The following MIGA2 variants were observed in gnomAD, a reference collection of about 807,000 sequenced individuals.
MIGA2 encodes the protein family with sequence similarity 73, member B.
MIGA2 carries 36 observed loss-of-function variants against 69.9 expected under a neutral mutation model. That is an observed-to-expected ratio of 0.52 (90% CI 0.39 to 0.68). The LOEUF is 0.68. MIGA2 is among the 30% of genes least tolerant of loss of function. The pLI is 0.00. For missense variants in MIGA2, 660 were observed against 787.7 expected (o/e 0.84, Z 1.94); for synonymous variants, 333 against 349.2 (o/e 0.95, Z 0.52).
intron 1 of MIGA2, among the ~76,000 whole-genome samples, chr9:129,039,072 G>A (rs1214030749): frequency 6.6e-6 from 1 of 151,844 alleles, no homozygotes; most frequent in Non-Finnish European, 1.5e-5. Context: ...TGGGATTACA[G>A]GCATGAGCCA....
In MIGA2 at chr9:129,059,215, A is replaced by T. The variant is rs2131376080; in HGVS notation, c.737A>T (p.His246Leu). The T allele has an allele frequency of 1.9e-6, 3 of 1,609,964 alleles. No individual in the cohort carries two copies. The highest frequency in any genetic ancestry group is 3.3e-4 in the Middle Eastern group (2 of 6,054). The stretch of plus-strand genomic sequence containing the variant: ...GAGTCCCTGCTGCACCGTGCCTACC[A>T]CCTGCAGGAGGAGTTCGGCTCCACC... Reference protein sequence around the residue: ...KLESLLHRAYHLQEEFGSTFP... With the variant: ...KLESLLHRAYLLQEEFGSTFP... Residue 246 changes from histidine to leucine, a missense_variant, in exon 7 of 16, where the codon CAC becomes CTC. Coordinates refer to ENST00000684074, the MANE Select transcript of MIGA2 (RefSeq NM_001329990.2). The surrounding 1 kb of genome is among the most constrained non-coding windows in gnomAD (Gnocchi z 5.6).
intron 9 of MIGA2, chr9:129,063,039 G>A (rs1031606616): frequency 8.3e-6 from 5 of 599,594 alleles, no homozygotes; most frequent in Non-Finnish European, 1.5e-5. Context: ...CGTCCTCAGA[G>A]ATCATCCAGG....
Position 129,068,004 on chromosome 9 carries a change from C to T in MIGA2, c.1269+133C>T. On this transcript the variant is annotated intron_variant, in intron 12 of 15. Transcript: ENST00000684074. The surrounding 1 kb of genome is among the most constrained non-coding windows in gnomAD (Gnocchi z 4.1). ...CCATCACTGCTCATAGTCCCCGGTT[C>T]CTGCCCTGCCCCAGGCCAAGGCAGA... 1 of 1,264,294 alleles carries T rather than the reference C, an allele frequency of 7.9e-7. No homozygotes were observed. Among genetic ancestry groups the T allele is most frequent in the Non-Finnish European group, 1.1e-6 (1 of 892,670 alleles). 78.3% of individuals were successfully genotyped at this position (1,264,294 alleles called of 1,614,324 possible).
intron 2 of MIGA2, 116 bp from the exon 3 acceptor site, chr9:129,042,188 G>A (rs866535705): frequency 5.4e-5 from 54 of 996,280 alleles, no homozygotes; most frequent in African/African-American, 4.4e-4. Flanking sequence ...TCATCTGGTC[G>A]GCAGATGTGC....
At chr9:129,040,377 A>G (rs1219336032) in intron 1 of MIGA2, 75 bp from the exon 2 acceptor site, 2 of 1,103,386 alleles carry the variant, frequency 1.8e-6, no homozygotes, top group Non-Finnish European at 2.4e-6. Context: ...TCCCCCATGG[A>G]CGCTCTTCTT....
At chr9:129,066,486 A>AACATG (rs1846349193) in intron 11 of MIGA2, among the ~76,000 whole-genome samples, 1 of 151,760 alleles carries the variant, frequency 6.6e-6, no homozygotes, top group African/African-American at 2.4e-5. Flanking sequence ...CATCCTGGCT[A>AACATG]GCACAGTGAA....
At position 129,068,144 on chromosome 9, in the gene MIGA2, C is replaced by T. The variant is rs771715827; in HGVS notation, c.1270-54C>T. 8.1e-5 allele frequency: 130 copies of T among 1,612,668 alleles called. 2 individuals are homozygous for T. In the African/African-American group the frequency reaches 1.7e-3, roughly 21 times the overall value. On this transcript the variant is annotated intron_variant, in intron 12 of 15. Transcript: ENST00000684074. The surrounding 1 kb of genome is among the most constrained non-coding windows in gnomAD (Gnocchi z 4.1). ...CAGTCTCCCCATCTGGAAAGTGGCC[C>T]CGAGGCTCCGGCAGTGCCCCCATGC...
At chr9:129,041,074 C>T (rs1214438663) in intron 2 of MIGA2, among the ~76,000 whole-genome samples, 3 of 152,168 alleles carry the variant, frequency 2.0e-5, no homozygotes, top group Admixed American at 2.0e-4. Flanking sequence ...GTGGCTCATG[C>T]CTGTAATCCC....
chr9:129,067,539 C>T (rs1846424809), intron 11 of MIGA2: 5 of 550,688 alleles, frequency 9.1e-6, no homozygotes, highest in Non-Finnish European at 1.6e-5. Context: ...ACTGGGCACT[C>T]CTGGAAGTTA....
At chr9:129,040,731 C>T in intron 2 of MIGA2, 41 bp downstream of exon 2, 1 of 1,568,084 alleles carries the variant, frequency 6.4e-7, no homozygotes, top group Admixed American at 1.7e-5. Flanking sequence ...CTATGAAACA[C>T]TTCCATGCTC....
intron 1 of MIGA2, 66 bp from the exon 2 acceptor site, chr9:129,040,386 T>C: frequency 8.3e-7 from 1 of 1,205,324 alleles, no homozygotes; most frequent in Non-Finnish European, 1.1e-6. Context: ...GACGCTCTTC[T>C]TGAGTGCATT....
intron 11 of MIGA2, among the ~76,000 whole-genome samples, chr9:129,065,843 G>T (rs1464092570): frequency 6.6e-6 from 1 of 152,048 alleles, no homozygotes; most frequent in African/African-American, 2.4e-5. Context: ...ATCCCCTGAG[G>T]CCCGAGAGAA....
In MIGA2 at chr9:129,049,897, C is replaced by G; in HGVS notation, c.609C>G (p.Ser203Arg). Reference protein sequence around the residue: ...QALSVGQRGDSGSTPMPRDGL... With the variant: ...QALSVGQRGDRGSTPMPRDGL... ...TAAGCGTGGGCCAGCGGGGGGACAG[C>G]GGCAGCACCCCCATGCCCAGGGACG... is the stretch of plus-strand genomic sequence containing the variant. Residue 203 changes from serine (S) to arginine (R), a missense_variant, in exon 6 of 16, where the codon AGC becomes AGG. This residue lies in a region of MIGA2 where 386 missense variants were observed against 402.0 expected (regional missense o/e 0.96). Transcript: ENST00000684074. 6.2e-7 allele frequency: 1 copy of G among 1,613,810 alleles called. No individual in the cohort carries two copies. The highest frequency in any genetic ancestry group is 8.5e-7 in the Non-Finnish European group (1 of 1,180,010).
In MIGA2 at chr9:129,061,503, C is replaced by G. The variant is rs1363044543; in HGVS notation, c.1010+157C>G. 6.6e-6 allele frequency among the ~76,000 whole-genome samples: 1 copy of G among 152,140 alleles called. No homozygotes were observed. The highest frequency in any genetic ancestry group is 1.9e-4 in the East Asian group (1 of 5,192). On this transcript the variant is annotated intron_variant, in intron 9 of 15. Coordinates refer to ENST00000684074, the MANE Select transcript of MIGA2 (RefSeq NM_001329990.2). The surrounding 1 kb of genome is among the most constrained non-coding windows in gnomAD (Gnocchi z 5.0). ...TGGTGAGCTGGTGACAGCTCCTCCCCCAGCTGCAGAGGGCCTGGATGGACC... is the reference window on the plus strand; with the variant it reads ...TGGTGAGCTGGTGACAGCTCCTCCCGCAGCTGCAGAGGGCCTGGATGGACC...
At chr9:129,039,341 GT>G (rs1844776178) in intron 1 of MIGA2, among the ~76,000 whole-genome samples, 1 of 151,324 alleles carries the variant, frequency 6.6e-6, no homozygotes, top group African/African-American at 2.4e-5. Context: ...CGCCTCCTGG[GT>G]TCATGCCATT....
chr9:129,061,371 G>T lies in MIGA2; in HGVS notation c.1010+25G>T. 6.6e-7 allele frequency: 1 copy of T among 1,515,366 alleles called. No individual in the cohort carries two copies. The highest frequency in any genetic ancestry group is 1.2e-5 in the South Asian group (1 of 86,290). 93.9% of individuals were successfully genotyped at this position (1,515,366 alleles called of 1,614,324 possible). On this transcript the variant is annotated intron_variant, in intron 9 of 15. Coordinates refer to ENST00000684074, the MANE Select transcript of MIGA2 (RefSeq NM_001329990.2). This position sits in a 1 kb window ranked among gnomAD's most constrained non-coding sequence, Gnocchi z 5.0. ...GGTGAGCAGGTGTGGAGGGAGGGAGGGAGGGAGCAGGAGGCGATGGGTGAT... is the reference window on the plus strand; with the variant it reads ...GGTGAGCAGGTGTGGAGGGAGGGAGTGAGGGAGCAGGAGGCGATGGGTGAT...
At chr9:129,046,852 C>T (rs952949220) in intron 3 of MIGA2, among the ~76,000 whole-genome samples, 1 of 151,942 alleles carries the variant, frequency 6.6e-6, no homozygotes, top group Non-Finnish European at 1.5e-5. Context: ...AATTTCAGCT[C>T]ATTGCAACGT....
chr9:129,058,372 C>T lies in MIGA2; in HGVS notation c.676-782C>T, dbSNP rs1008531459. Reference sequence around the variant, plus strand: ...TAGATGTGATTGCGCCACTGCACTGCGGGCTGGGTGACAGAACGAGACCTT... The same window carrying T: ...TAGATGTGATTGCGCCACTGCACTGTGGGCTGGGTGACAGAACGAGACCTT... On this transcript the variant is annotated intron_variant, in intron 6 of 15. Transcript: ENST00000684074. Among the ~76,000 whole-genome samples, 30 of 140,426 alleles carry T rather than the reference C, an allele frequency of 2.1e-4. 1 individual carries two copies. The highest frequency in any genetic ancestry group is 1.2e-3 in the Admixed American group (16 of 13,554). 92.1% of individuals were successfully genotyped at this position (140,426 alleles called of 152,430 possible).
intron 11 of MIGA2, among the ~76,000 whole-genome samples, chr9:129,065,024 C>G (rs535567942): frequency 6.6e-6 from 1 of 152,194 alleles, no homozygotes; most frequent in African/African-American, 2.4e-5. Context: ...CTCAGGTGAT[C>G]CGCCCTCCTT....
Sources: gnomAD v4.1 joint callset for allele counts (sites outside exome capture counted in the v4.1 genomes callset) on GRCh38, gnomAD v4.1.1 for gene constraint, gnomAD v4.1.1 regional missense constraint, Gnocchi (gnomAD v3.1) non-coding constraint, MANE v1.5 for transcripts, NCBI Gene and HGNC (gene_info 2026-07-23, HGNC 2026-07-21) for gene names.